The following CDH4 variants were observed in gnomAD, a reference collection of about 807,000 sequenced individuals.
The protein encoded by CDH4 is cadherin-4.
In CDH4, 33 loss-of-function variants were observed where a neutral mutation model predicts 86.0. That is an observed-to-expected ratio of 0.38 (90% confidence interval 0.29 to 0.51). The LOEUF (loss-of-function observed/expected upper bound fraction) is 0.51, where lower values mean the gene tolerates loss of function less well. Among genes scored for constraint, CDH4 ranks in the 20% least tolerant of loss-of-function variants. CDH4 has a pLI of 0.86. For missense variants in CDH4, 1,114 were observed against 1,307.4 expected, an observed-to-expected ratio of 0.85 and a Z score of 2.28; for synonymous variants, 555 against 549.4, an observed-to-expected ratio of 1.01 and a Z score of -0.14.
chr20:61,849,463 T>C (rs1982612713), intron 5 of CDH4, among the ~76,000 whole-genome samples: 1 of 152,224 alleles, frequency 6.6e-6, no homozygotes. Flanking sequence ...GGCTTGTGTT[T>C]CTGCTCCGGG....
At chr20:61,817,161 T>C (rs1191257855) in intron 4 of CDH4, among the ~76,000 whole-genome samples, 2 of 152,208 alleles carry the variant, frequency 1.3e-5, no homozygotes, top group Non-Finnish European at 2.9e-5. Context: ...ATCCCCTACA[T>C]CCTTGGGCGC....
rs2084991075 is a variant in CDH4, at chr20:61,392,292, T to C, written c.169+137355T>C. Reference sequence around the variant, plus strand: ...GAGGCAGATCCTTCCACCAAACGAGTGTTTTGCTGTCAGGACGCAGCCTCC... The same window carrying C: ...GAGGCAGATCCTTCCACCAAACGAGCGTTTTGCTGTCAGGACGCAGCCTCC... On this transcript the variant is annotated intron_variant, in intron 2 of 15. Coordinates refer to ENST00000614565, the MANE Select transcript of CDH4 (RefSeq NM_001794.5). The surrounding 1 kb of genome is among the most constrained non-coding windows in gnomAD (Gnocchi z 5.7). Among the ~76,000 whole-genome samples, 1 of 151,330 alleles carries C rather than the reference T, an allele frequency of 6.6e-6. No individual in the cohort carries two copies. The highest frequency in any genetic ancestry group is 6.6e-5 in the Admixed American group (1 of 15,168).
Position 61,618,434 on chromosome 20 carries a change from CA to C in CDH4, c.170-125125del, listed in dbSNP as rs536748366. Reference sequence around the variant, plus strand: ...TCTGAATGAATCAACAAAGGACAAGCAAAAGAAGCAAGTGGGCCTCATGAGA... The same window carrying C: ...TCTGAATGAATCAACAAAGGACAAGCAAAGAAGCAAGTGGGCCTCATGAGA... On this transcript the variant is annotated intron_variant, in intron 2 of 15. Transcript: ENST00000614565. Among the ~76,000 whole-genome samples the C allele has an allele frequency of 1.2e-3, 182 of 152,206 alleles. 1 individual carries two copies. The highest frequency in any genetic ancestry group is 4.0e-3 in the African/African-American group (167 of 41,536).
intron 2 of CDH4, among the ~76,000 whole-genome samples, chr20:61,602,871 G>A (rs930527829): frequency 6.6e-6 from 1 of 152,200 alleles, no homozygotes; most frequent in African/African-American, 2.4e-5. Context: ...TGATGAACGT[G>A]TTACGGTTTC....
chr20:61,721,730 G>GAT (rs908226746), intron 2 of CDH4, among the ~76,000 whole-genome samples: 2 of 152,202 alleles, frequency 1.3e-5, no homozygotes, highest in Non-Finnish European at 1.5e-5. Flanking sequence ...GAGGCTTGGG[G>GAT]ATCGGTCAAG....
chr20:61,260,981 C>G (rs1423392127), intron 2 of CDH4, among the ~76,000 whole-genome samples: 2 of 152,222 alleles, frequency 1.3e-5, no homozygotes, highest in Non-Finnish European at 2.9e-5. Flanking sequence ...GAGAGAGGGT[C>G]CTGGTAGCCC....
chr20:61,374,370 G>A (rs1005541148), intron 2 of CDH4, among the ~76,000 whole-genome samples: 1 of 152,188 alleles, frequency 6.6e-6, no homozygotes, highest in South Asian at 2.1e-4. Flanking sequence ...CATCTTGGCA[G>A]CGTGACATGT....
At chr20:61,325,222 GAA>G (rs11482226) in intron 2 of CDH4, among the ~76,000 whole-genome samples, 12 of 144,666 alleles carry the variant, frequency 8.3e-5, no homozygotes, top group Non-Finnish European at 1.1e-4. Context: ...GTGGTCACTG[GAA>G]AAAAAAAAAA....
At chr20:61,656,805 C>T (rs1169470842) in intron 2 of CDH4, among the ~76,000 whole-genome samples, 1 of 152,180 alleles carries the variant, frequency 6.6e-6, no homozygotes, top group Non-Finnish European at 1.5e-5. Context: ...TGTGTGGCTG[C>T]GGGCAAGTCC....
chr20:61,776,144 C>T (rs779717015), intron 4 of CDH4, among the ~76,000 whole-genome samples: 1 of 152,104 alleles, frequency 6.6e-6, no homozygotes, highest in Non-Finnish European at 1.5e-5. Context: ...AACGTTTCTC[C>T]GGAAGACATC....
At chr20:61,820,608 T>A (rs1980967711) in intron 4 of CDH4, among the ~76,000 whole-genome samples, 1 of 152,210 alleles carries the variant, frequency 6.6e-6, no homozygotes, top group Admixed American at 6.5e-5. Flanking sequence ...GTGGAAGTTG[T>A]GGCCAGGCCA....
intron 2 of CDH4, among the ~76,000 whole-genome samples, chr20:61,530,957 T>C (rs2085947110): frequency 5.9e-5 from 9 of 152,214 alleles, no homozygotes; most frequent in Admixed American, 5.2e-4. Flanking sequence ...ACAACTAATA[T>C]CTATGCCAAT....
chr20:61,357,725 A>C (rs1295207122), intron 2 of CDH4, among the ~76,000 whole-genome samples: 1 of 152,142 alleles, frequency 6.6e-6, no homozygotes, highest in African/African-American at 2.4e-5. Flanking sequence ...TAAATGCAAA[A>C]TCCCCTATTT....
chr20:61,557,853 G>T (rs368602733), intron 2 of CDH4, among the ~76,000 whole-genome samples: 2 of 151,128 alleles, frequency 1.3e-5, no homozygotes, highest in African/African-American at 4.8e-5. Flanking sequence ...ATGACGCGGC[G>T]CTGGATTTTA....
intron 2 of CDH4, among the ~76,000 whole-genome samples, chr20:61,717,145 G>C (rs138084151): frequency 0.014 from 2,193 of 152,288 alleles, 42 homozygotes; most frequent in African/African-American, 0.05. Flanking sequence ...CCTCCTGCTT[G>C]GCAGAGATGA....
chr20:61,790,015 T>G (rs1320018507), intron 4 of CDH4, among the ~76,000 whole-genome samples: 3 of 152,182 alleles, frequency 2.0e-5, no homozygotes, highest in African/African-American at 7.2e-5. Context: ...GTGAACAGTA[T>G]ATCCACAGTC....
intron 2 of CDH4, among the ~76,000 whole-genome samples, chr20:61,314,787 G>A (rs1304530775): frequency 6.6e-6 from 1 of 152,192 alleles, no homozygotes; most frequent in East Asian, 1.9e-4. Flanking sequence ...TCCTCACCGA[G>A]GCTTGTTATC....
Position 61,730,389 on chromosome 20 carries a change from G to A in CDH4, c.170-13174G>A, listed in dbSNP as rs533813994. Among the ~76,000 whole-genome samples, 8 of 152,264 alleles carry A rather than the reference G, an allele frequency of 5.3e-5. No individual in the cohort carries two copies. The South Asian group carries it at 1.7e-3, about 32-fold the overall frequency. ...GCTTTGCCATTTTCAGAATGTCATG[G>A]AGTTGGAATCCTACGGGTATGCAAC... On this transcript the variant is annotated intron_variant, in intron 2 of 15. Coordinates refer to ENST00000614565, the MANE Select transcript of CDH4 (RefSeq NM_001794.5).
At chr20:61,481,781 C>A (rs184816836) in intron 2 of CDH4, among the ~76,000 whole-genome samples, 9,143 of 152,178 alleles carry the variant, frequency 0.06, 963 homozygotes, top group African/African-American at 0.21. Flanking sequence ...CTGTTTGTGC[C>A]GTTATGTATA....
Sources: allele counts gnomAD v4.1 joint callset (sites outside exome capture counted in the v4.1 genomes callset), GRCh38; gene constraint gnomAD v4.1.1; non-coding constraint Gnocchi (gnomAD v3.1); transcripts MANE v1.5; gene names NCBI Gene and HGNC (gene_info 2026-07-23, HGNC 2026-07-21).